SLC4A4: variants seen among roughly 807,000 people sequenced by gnomAD.
The protein encoded by SLC4A4 is solute carrier family 4 member 4, also known as electrogenic sodium bicarbonate cotransporter 1.
A neutral mutation model predicts 111.5 loss-of-function variants in SLC4A4; 27 were observed. The ratio of observed to expected loss-of-function variants is 0.24; its 90% CI spans 0.18 to 0.33. The LOEUF is 0.33. Ranked by LOEUF, SLC4A4 falls within the 10% of genes least tolerant of loss-of-function variation. The pLI is 1.00. For synonymous variants in SLC4A4, 443 were observed against 463.4 expected, an observed-to-expected ratio of 0.96 and a Z score of 0.57; for missense variants, 909 against 1,315.5, an observed-to-expected ratio of 0.69 and a Z score of 4.78.
intron 2 of SLC4A4, among the ~76,000 whole-genome samples, chr4:71,174,255 CTTT>C (rs35256882): frequency 1.4e-5 from 2 of 140,838 alleles, no homozygotes; most frequent in African/African-American, 2.6e-5. Context: ...CCACACCACA[CTTT>C]TTTTTTTTTT....
intron 1 of SLC4A4, among the ~76,000 whole-genome samples, chr4:71,063,491 A>T (rs1741437647): frequency 6.6e-6 from 1 of 152,112 alleles, no homozygotes; most frequent in African/African-American, 2.4e-5. Flanking sequence ...ATAAATGTCA[A>T]ATTCTCAATA....
At position 71,238,853 on chromosome 4, in the gene SLC4A4, A is replaced by G. The variant is rs542823708; in HGVS notation, c.73+2204A>G. On this transcript the variant is annotated intron_variant, in intron 2 of 25. Transcript: ENST00000264485. ...GGTCTTAGATTTTTATAGTAGCTCTAGGTGATAGTATAAAACGGTTGAAAT... is the reference window on the plus strand; with the variant it reads ...GGTCTTAGATTTTTATAGTAGCTCTGGGTGATAGTATAAAACGGTTGAAAT... Among the ~76,000 whole-genome samples, 4 of 152,238 alleles carry G rather than the reference A, an allele frequency of 2.6e-5. No individual in the cohort carries two copies. The East Asian group carries it at 7.7e-4, about 29-fold the overall frequency.
intron 20 of SLC4A4, among the ~76,000 whole-genome samples, chr4:71,553,223 A>G (rs906333018): frequency 2.6e-5 from 4 of 151,912 alleles, no homozygotes; most frequent in Non-Finnish European, 5.9e-5. Flanking sequence ...AAACATCTTC[A>G]TATCTAAAGC....
chr4:71,069,805 A>T (rs569158727), intron 1 of SLC4A4, among the ~76,000 whole-genome samples: 1 of 152,290 alleles, frequency 6.6e-6, no homozygotes, highest in South Asian at 2.1e-4. Flanking sequence ...TAACCTCCCT[A>T]AGTTCCCACA....
At chr4:71,145,328 G>A (rs1396026027) in intron 2 of SLC4A4, among the ~76,000 whole-genome samples, 1 of 152,178 alleles carries the variant, frequency 6.6e-6, no homozygotes, top group African/African-American at 2.4e-5. Context: ...GCTTTTTGAT[G>A]TGTTGCTGGA....
chr4:71,552,403 T>C (rs990185999), intron 20 of SLC4A4, among the ~76,000 whole-genome samples: 1 of 151,548 alleles, frequency 6.6e-6, no homozygotes, highest in African/African-American at 2.4e-5. Context: ...ACAGTGACGA[T>C]TATTCTGCTA....
intron 6 of SLC4A4, among the ~76,000 whole-genome samples, chr4:71,358,467 A>T (rs1462819996): frequency 2.0e-5 from 3 of 152,124 alleles, no homozygotes; most frequent in Non-Finnish European, 4.4e-5. Flanking sequence ...TCTGGAAATG[A>T]GTTTTCTCTT....
chr4:71,438,002 G>T (rs144877488), intron 7 of SLC4A4: 1 of 155,470 alleles, frequency 6.4e-6, no homozygotes, highest in Non-Finnish European at 1.4e-5. Flanking sequence ...AAACCCTGAC[G>T]GTTTGAAGGC....
intron 13 of SLC4A4, 98 bp from the exon 14 acceptor site, chr4:71,472,601 G>A (rs1727985499): frequency 4.0e-6 from 5 of 1,263,280 alleles, no homozygotes; most frequent in East Asian, 2.3e-5. Flanking sequence ...AGGTGATCTT[G>A]TATTTTTGTC....
At chr4:71,152,857 A>G (rs1169713318) in intron 2 of SLC4A4, among the ~76,000 whole-genome samples, 1 of 151,640 alleles carries the variant, frequency 6.6e-6, no homozygotes, top group East Asian at 1.9e-4. Flanking sequence ...CCATTTGCTC[A>G]TTCACTAAAT....
intron 7 of SLC4A4, among the ~76,000 whole-genome samples, chr4:71,438,437 A>G (rs1724369029): frequency 6.6e-6 from 1 of 152,220 alleles, no homozygotes; most frequent in Non-Finnish European, 1.5e-5. Flanking sequence ...TCCTGTGAGA[A>G]AGTCAGGGTG....
chr4:71,514,702 T>C (rs1418278432), intron 16 of SLC4A4, among the ~76,000 whole-genome samples: 1 of 152,168 alleles, frequency 6.6e-6, no homozygotes, highest in Non-Finnish European at 1.5e-5. Context: ...ATTTTCTATT[T>C]CTTACTGATT....
chr4:71,171,242 G>A (rs115689558), intron 2 of SLC4A4, among the ~76,000 whole-genome samples: 102 of 152,058 alleles, frequency 6.7e-4, no homozygotes, highest in African/African-American at 2.4e-3. Flanking sequence ...CGTGCAGGCT[G>A]GACTGCAAAT....
chr4:71,072,354 A>T (rs919335515), intron 1 of SLC4A4, among the ~76,000 whole-genome samples: 1 of 152,158 alleles, frequency 6.6e-6, no homozygotes, highest in Non-Finnish European at 1.5e-5. Flanking sequence ...TGGTGTGCAA[A>T]GCCACCTTTA....
At chr4:71,107,284 CTT>C (rs1252583939) in intron 2 of SLC4A4, among the ~76,000 whole-genome samples, 1 of 151,928 alleles carries the variant, frequency 6.6e-6, no homozygotes, top group East Asian at 1.9e-4. Flanking sequence ...TTCTATATGT[CTT>C]ATATCTTTTT....
intron 7 of SLC4A4, among the ~76,000 whole-genome samples, chr4:71,415,398 C>A (rs1231756865): frequency 1.3e-5 from 2 of 152,024 alleles, no homozygotes; most frequent in Admixed American, 1.3e-4. Context: ...ATTATTGGTA[C>A]CATTTATTGA....
chr4:71,404,002 T>C (rs1400206260), intron 7 of SLC4A4, among the ~76,000 whole-genome samples: 3 of 152,168 alleles, frequency 2.0e-5, no homozygotes, highest in African/African-American at 7.2e-5. Context: ...AGTTCTTCTG[T>C]GCCATAGAAA....
At position 71,570,563 on chromosome 4, in the gene SLC4A4, C is replaced by A. The variant is rs1009533650; in HGVS notation, c.*2812C>A. On this transcript the variant is annotated 3_prime_UTR_variant, in exon 26 of 26. Transcript: ENST00000264485. ...TTCTATGCAAACTGGACACAAATTACAACAGTAAATTTTTTTATAAGTGCT... is the reference window on the plus strand; with the variant it reads ...TTCTATGCAAACTGGACACAAATTAAAACAGTAAATTTTTTTATAAGTGCT... The A allele has an allele frequency of 1.3e-5, 2 of 152,138 alleles. No homozygotes were observed. The highest frequency in any genetic ancestry group is 2.9e-5 in the Non-Finnish European group (2 of 67,804). The allele number at this position is 152,138 out of a possible 1,614,324, so 9.4% of individuals were successfully genotyped here.
chr4:71,103,592 A>T (rs1742825974), intron 2 of SLC4A4, among the ~76,000 whole-genome samples: 1 of 152,194 alleles, frequency 6.6e-6, no homozygotes, highest in Admixed American at 6.5e-5. Flanking sequence ...CAGTGCAATC[A>T]AACTAGAACT....
Sources: allele counts gnomAD v4.1 joint callset (sites outside exome capture counted in the v4.1 genomes callset), GRCh38; gene constraint gnomAD v4.1.1; transcripts MANE v1.5; gene names NCBI Gene and HGNC (gene_info 2026-07-23, HGNC 2026-07-21).